GABRP: variants seen among roughly 807,000 people sequenced by gnomAD.
GABRP encodes gamma-aminobutyric acid receptor subunit pi.
GABRP carries 52 observed loss-of-function variants against 47.8 expected under a neutral mutation model. That is an observed-to-expected ratio of 1.09 (90% CI 0.87 to 1.37). The LOEUF (loss-of-function observed/expected upper bound fraction) is 1.37. Ranked by LOEUF, GABRP falls within the 40% of genes most tolerant of loss-of-function variation. The pLI is 0.00. For synonymous variants in GABRP, 221 were observed against 205.8 expected (o/e 1.07, Z -0.63); for missense variants, 525 against 542.8 (o/e 0.97, Z 0.33).
At chr5:170,794,502 A>G (rs1765369932) in intron 4 of GABRP, 1 of 389,544 alleles carries the variant, frequency 2.6e-6, no homozygotes, top group African/African-American at 2.0e-5. Context: ...TGAGTAAGAC[A>G]ATGGAAGATT....
chr5:170,797,577 A>G, intron 6 of GABRP, 29 bp downstream of exon 6: 2 of 1,414,072 alleles, frequency 1.4e-6, no homozygotes, highest in Non-Finnish European at 2.0e-6. Context: ...GGCTCCTGAG[A>G]TGATTTTCCT....
intron 6 of GABRP, among the ~76,000 whole-genome samples, chr5:170,805,164 TA>T (rs1171220037): frequency 6.6e-6 from 1 of 151,810 alleles, no homozygotes; most frequent in Non-Finnish European, 1.5e-5. Context: ...ACATAATGTA[TA>T]AAGTACTTAT....
intron 4 of GABRP, among the ~76,000 whole-genome samples, chr5:170,794,920 C>T (rs7729540): frequency 0.2 from 30,269 of 150,576 alleles, 3,270 homozygotes; most frequent in East Asian, 0.27. Context: ...CATGGCGTTC[C>T]CTTTTGGCAA....
At chr5:170,789,450 A>T (rs1320729904) in intron 3 of GABRP, among the ~76,000 whole-genome samples, 1 of 152,132 alleles carries the variant, frequency 6.6e-6, no homozygotes, top group African/African-American at 2.4e-5. Context: ...CTGCAAGATA[A>T]AGGAATGCTC....
rs539285995 is a variant in GABRP, at chr5:170,802,867, C to A, written c.542-2849C>A. Among the ~76,000 whole-genome samples, 282 of 152,138 alleles carry A rather than the reference C, an allele frequency of 1.9e-3. 3 individuals carry two copies. The highest frequency in any genetic ancestry group is 2.8e-3 in the Non-Finnish European group (189 of 68,002). On this transcript the variant is annotated intron_variant, in intron 6 of 9. Coordinates refer to ENST00000265294, the MANE Select transcript of GABRP (RefSeq NM_014211.3). ...CCCCAGTGAGCGGAGGGAGCTTTCT[C>A]TGAATGTTTATTAGCAGTGTTTGGG...
At chr5:170,808,502 T>A in intron 7 of GABRP, 98 bp from the exon 8 acceptor site, 1 of 1,009,466 alleles carries the variant, frequency 9.9e-7, no homozygotes, top group Non-Finnish European at 1.5e-6. Flanking sequence ...TTTAGATCAA[T>A]GACAGAGGGC....
intron 1 of GABRP, among the ~76,000 whole-genome samples, chr5:170,786,800 A>G (rs1020193339): frequency 3.3e-5 from 5 of 152,226 alleles, no homozygotes; most frequent in Non-Finnish European, 7.3e-5. Flanking sequence ...AATGTTTGCT[A>G]TAATTAAGTT....
Position 170,812,310 on chromosome 5 carries a change from G to T in GABRP, c.*52G>T. The T allele has an allele frequency of 7.0e-7, 1 of 1,437,824 alleles. No homozygotes were observed. Among genetic ancestry groups the T allele is most frequent in the Non-Finnish European group, 9.6e-7 (1 of 1,042,138 alleles). 89.1% of individuals were successfully genotyped at this position (1,437,824 alleles called of 1,614,324 possible). A position where few individuals can be genotyped will look rare whatever the true frequency, so the allele number is the denominator to read the frequency against. On this transcript the variant is annotated 3_prime_UTR_variant, in exon 10 of 10. Coordinates refer to ENST00000265294, the MANE Select transcript of GABRP (RefSeq NM_014211.3). The stretch of plus-strand genomic sequence containing the variant: ...TAGGTCTTCAACAGGACAAGATAAT[G>T]ATGTAAATGGTATTTTAGGCCAAGT...
chr5:170,788,494 A>G (rs1765181719), intron 1 of GABRP, 80 bp from the exon 2 acceptor site: 1 of 923,332 alleles, frequency 1.1e-6, no homozygotes, highest in Non-Finnish European at 1.8e-6. Flanking sequence ...TGTACCGACC[A>G]CCCACCAGAG....
chr5:170,808,357 G>C (rs1361905193), intron 7 of GABRP, among the ~76,000 whole-genome samples: 1 of 152,152 alleles, frequency 6.6e-6, no homozygotes, highest in African/African-American at 2.4e-5. Context: ...AGTATTGATT[G>C]CACTGCTGTA....
intron 5 of GABRP, among the ~76,000 whole-genome samples, chr5:170,796,382 G>A (rs866811462): frequency 2.0e-5 from 3 of 152,324 alleles, no homozygotes; most frequent in Middle Eastern, 3.4e-3. Context: ...GGATGTGTGA[G>A]TGTGTGCATG....
At chr5:170,791,384 A>G (rs569016427) in intron 3 of GABRP, among the ~76,000 whole-genome samples, 24 of 152,362 alleles carry the variant, frequency 1.6e-4, no homozygotes, top group Middle Eastern at 3.4e-3. Flanking sequence ...GCTCTCTGTA[A>G]TGTCTGTGCA....
chr5:170,809,844 C>A lies in GABRP; in HGVS notation c.1020+89C>A, dbSNP rs913113890. 10 of 1,244,780 alleles carry A rather than the reference C, an allele frequency of 8.0e-6. No individual in the cohort carries two copies. In the African/African-American group the frequency reaches 1.3e-4, roughly 17 times the overall value. 77.1% of individuals were successfully genotyped at this position (1,244,780 alleles called of 1,614,324 possible). A position where few individuals can be genotyped will look rare whatever the true frequency, so the allele number is the denominator to read the frequency against. Reference sequence around the variant, plus strand: ...GGGCTGGACCTGGCTTCTATCCCCACCCCACCCGCAGTGATTCCCTGTGCT... The same window carrying A: ...GGGCTGGACCTGGCTTCTATCCCCAACCCACCCGCAGTGATTCCCTGTGCT... On this transcript the variant is annotated intron_variant, in intron 9 of 9. Transcript: ENST00000265294.
At chr5:170,797,404 G>C in intron 5 of GABRP, 62 bp from the exon 6 acceptor site, 1 of 1,032,506 alleles carries the variant, frequency 9.7e-7, no homozygotes, top group South Asian at 1.3e-5. Flanking sequence ...GGCCTTCGAA[G>C]GAATGTGAAC....
At chr5:170,806,407 G>A (rs1358290179) in intron 7 of GABRP, among the ~76,000 whole-genome samples, 6 of 151,910 alleles carry the variant, frequency 3.9e-5, no homozygotes, top group African/African-American at 7.3e-5. Flanking sequence ...TATTAAGAAC[G>A]CTTATTCTCA....
intron 1 of GABRP, chr5:170,788,126 G>A (rs564270140): frequency 6.5e-6 from 1 of 152,754 alleles, no homozygotes; most frequent in Admixed American, 6.5e-5. Flanking sequence ...CAAGGCAGAT[G>A]GATCGCTTGA....
intron 1 of GABRP, among the ~76,000 whole-genome samples, chr5:170,787,786 C>T (rs1561805880): frequency 1.3e-5 from 2 of 152,198 alleles, no homozygotes; most frequent in Non-Finnish European, 2.9e-5. Flanking sequence ...TAACTCATGA[C>T]CTCCTGACAC....
chr5:170,783,640 C>T (rs1765058301), upstream of GABRP: 1 of 152,136 alleles, frequency 6.6e-6, no homozygotes, highest in African/African-American at 2.4e-5. Context: ...GTCAGTGTCC[C>T]CACCAAGGAT....
rs1200380408 is a variant in GABRP at position 170,805,733 on chromosome 5, G to A, written c.559G>A (p.Asp187Asn). 1.9e-6 allele frequency: 3 copies of A among 1,614,084 alleles called. No individual in the cohort carries two copies. The African/African-American group carries it at 4.0e-5, about 22-fold the overall frequency. Residue 187 changes from aspartate to asparagine, a missense_variant, in exon 7 of 10, where the codon GAT (aspartate) becomes AAT (asparagine). By Grantham distance (23) the Asp-to-Asn change is conservative (BLOSUM62 1). Transcript: ENST00000265294. ...TTTGCCAGGGGGCTATGATGGAAAT[G>A]ATGTGGAGTTCACCTGGCTGAGAGG... ...QLESWGYDGN[D>N]VEFTWLRGND...
Sources: allele counts gnomAD v4.1 joint callset (sites outside exome capture counted in the v4.1 genomes callset), GRCh38; gene constraint gnomAD v4.1.1; transcripts MANE v1.5; gene names NCBI Gene and HGNC (gene_info 2026-07-23, HGNC 2026-07-21).